Variants in USP6 observed in about 807,000 individuals in gnomAD.
USP6 encodes ubiquitin carboxyl-terminal hydrolase 6.
In USP6, 128 loss-of-function variants were observed where a neutral mutation model predicts 175.7. The observed-to-expected ratio is 0.73, with a 90% CI of 0.63 to 0.84. The LOEUF is 0.84. Ranked by LOEUF, USP6 falls within the 40% of genes least tolerant of loss-of-function variation. The probability of loss-of-function intolerance (pLI) is 0.00; values close to 1 mark genes in which losing one functional copy is unlikely to be tolerated. For synonymous variants in USP6, 562 were observed against 630.6 expected (o/e 0.89, Z 1.63); for missense variants, 1,498 against 1,760.3 (o/e 0.85, Z 2.67).
chr17:5,129,501 A>G (rs201910071), intron 8 of USP6: 1 of 152,514 alleles, frequency 6.6e-6, no homozygotes, highest in Non-Finnish European at 1.5e-5. Context: ...AGCCCTGGAG[A>G]GCTGGCTGAG....
intron 32 of USP6, 76 bp downstream of exon 32, chr17:5,161,690 A>G (rs1228338504): frequency 4.8e-5 from 73 of 1,509,334 alleles, no homozygotes; most frequent in Non-Finnish European, 2.5e-5. Context: ...AAGATTTCCA[A>G]TTTTGAGAAG....
At chr17:5,157,644 G>T (rs115986223) in intron 31 of USP6, among the ~76,000 whole-genome samples, 1 of 151,806 alleles carries the variant, frequency 6.6e-6, no homozygotes. Context: ...TCTGGTTGGC[G>T]GGGGGCGGGA....
In USP6 at chr17:5,116,435, T is replaced by G. The variant is rs1462817664; in HGVS notation, c.-2233T>G. The G allele has an allele frequency of 6.6e-6, 1 of 151,850 alleles. No individual in the cohort carries two copies. The highest frequency in any genetic ancestry group is 6.6e-5 in the Admixed American group (1 of 15,174). 9.4% of individuals were successfully genotyped at this position (151,850 alleles called of 1,614,324 possible). A position where few individuals can be genotyped will look rare whatever the true frequency, so the allele number is the denominator to read the frequency against. On this transcript the variant is annotated 5_prime_UTR_variant, in exon 1 of 38. It removes the in-frame stop codon of an upstream open reading frame in the 5' UTR. Coordinates refer to ENST00000574788, the MANE Select transcript of USP6 (RefSeq NM_001304284.2). ...AGAGGGGAAACACTTCTGGCCCATGTGAGCCGCCGTCTCGTGTGGTGTCTG... is the reference window on the plus strand; with the variant it reads ...AGAGGGGAAACACTTCTGGCCCATGGGAGCCGCCGTCTCGTGTGGTGTCTG...
chr17:5,136,843 C>G, intron 18 of USP6, 109 bp downstream of exon 18: 10 of 1,498,186 alleles, frequency 6.7e-6, no homozygotes, highest in Non-Finnish European at 8.3e-6. Flanking sequence ...GGAGTCCCAG[C>G]TAGGGCCTGA....
At chr17:5,159,232 G>A (rs1179443654) in intron 31 of USP6, among the ~76,000 whole-genome samples, 7 of 152,140 alleles carry the variant, frequency 4.6e-5, no homozygotes, top group Non-Finnish European at 8.8e-5. Context: ...TAAGTAGTAA[G>A]TAACCCAAAA....
In USP6 at chr17:5,174,236, T is replaced by G. The variant is rs190318500; in HGVS notation, c.*1258T>G. On this transcript the variant is annotated 3_prime_UTR_variant, in exon 38 of 38. Coordinates refer to ENST00000574788, the MANE Select transcript of USP6 (RefSeq NM_001304284.2). ...AAGTATAAATATTATTTATTTGAGG[T>G]AGAATTTTTTTCATGTAGTTTCTTA... The G allele has an allele frequency of 1.4e-4, 26 of 190,502 alleles. No individual in the cohort carries two copies. The East Asian group carries it at 2.1e-3, about 15-fold the overall frequency. The allele number at this position is 190,502 out of a possible 1,614,324, so 11.8% of individuals were successfully genotyped here. A position where few individuals can be genotyped will look rare whatever the true frequency, so the allele number is the denominator to read the frequency against.
At chr17:5,140,668 A>G (rs1301300619) in intron 22 of USP6, among the ~76,000 whole-genome samples, 1 of 152,214 alleles carries the variant, frequency 6.6e-6, no homozygotes, top group Non-Finnish European at 1.5e-5. Context: ...TAATTGTCCC[A>G]TTTTCGCCTA....
intron 1 of USP6, among the ~76,000 whole-genome samples, chr17:5,117,561 A>G (rs1221637542): frequency 1.3e-5 from 2 of 152,050 alleles, no homozygotes; most frequent in Non-Finnish European, 2.9e-5. Context: ...GCACAAGTGA[A>G]TAAATGGGGT....
At chr17:5,141,585 G>A (rs1208313633) in intron 23 of USP6, 86 bp downstream of exon 23, 3 of 1,265,912 alleles carry the variant, frequency 2.4e-6, no homozygotes, top group Non-Finnish European at 3.2e-6. Context: ...AACAACTTTT[G>A]GTTTTCTAGT....
chr17:5,136,070 C>A, intron 17 of USP6, 142 bp downstream of exon 17: 1 of 1,482,566 alleles, frequency 6.7e-7, no homozygotes, highest in Admixed American at 2.1e-5. Flanking sequence ...TGCTGAGGGT[C>A]CCACAGGAGT....
In USP6 at chr17:5,143,061, C is replaced by T. The variant is rs573620924; in HGVS notation, c.1818+559C>T. Among the ~76,000 whole-genome samples the T allele has an allele frequency of 2.0e-4, 31 of 152,290 alleles. No homozygotes were observed. In the East Asian group the frequency reaches 4.1e-3, roughly 20 times the overall value. ...ATTATCAGCCCCCCGCCCAGCCAGC[C>T]GCCCCATCCGGGAGGGAGGTCGGGG... is the stretch of plus-strand genomic sequence containing the variant. On this transcript the variant is annotated intron_variant, in intron 25 of 37. Coordinates refer to ENST00000574788, the MANE Select transcript of USP6 (RefSeq NM_001304284.2).
At chr17:5,133,811 G>A in intron 14 of USP6, 76 bp from the exon 15 acceptor site, 1 of 1,450,560 alleles carries the variant, frequency 6.9e-7, no homozygotes, top group South Asian at 1.1e-5. Flanking sequence ...TGCTGACTGT[G>A]GGCTGACTGC....
chr17:5,133,880 C>T lies in USP6; in HGVS notation c.385-7C>T, dbSNP rs765715297. The T allele has an allele frequency of 6.2e-7, 1 of 1,613,912 alleles. No homozygotes were observed. Among genetic ancestry groups the T allele is most frequent in the Admixed American group, 1.7e-5 (1 of 60,030 alleles). On this transcript the variant is annotated splice_polypyrimidine_tract_variant and splice_region_variant and intron_variant, in intron 14 of 37. Coordinates refer to ENST00000574788, the MANE Select transcript of USP6 (RefSeq NM_001304284.2). ...GGCTGCTTCCTCCTCTTGGCCCTGC[C>T]CTACAGATCATGAAGGAGAGGGGCA... is the stretch of plus-strand genomic sequence containing the variant.
intron 27 of USP6, 40 bp from the exon 28 acceptor site, chr17:5,145,983 A>G (rs2073596781): frequency 6.5e-7 from 1 of 1,540,378 alleles, no homozygotes; most frequent in East Asian, 2.3e-5. Flanking sequence ...TTTCAATGAA[A>G]CCTGCATTTT....
Position 5,151,429 on chromosome 17 carries a change from G to T in USP6, c.2643+2662G>T, listed in dbSNP as rs543889761. Among the ~76,000 whole-genome samples the T allele has an allele frequency of 3.1e-3, 342 of 111,372 alleles. 1 individual carries two copies. The highest frequency in any genetic ancestry group is 0.013 in the African/African-American group (329 of 24,678). The allele number at this position is 111,372 out of a possible 152,430, so 73.1% of individuals were successfully genotyped here. ...CAATCCCAATAAAAATGCAAAGTCT[G>T]CATGTGTGTGTGTGTGTGTGTGTGT... On this transcript the variant is annotated intron_variant, in intron 30 of 37. Transcript: ENST00000574788.
chr17:5,165,032 TA>T (rs1383020974), intron 33 of USP6, among the ~76,000 whole-genome samples: 2 of 152,244 alleles, frequency 1.3e-5, no homozygotes, highest in Non-Finnish European at 2.9e-5. Context: ...TGAAAATGAT[TA>T]CTAGGAGTTT....
intron 33 of USP6, among the ~76,000 whole-genome samples, chr17:5,166,841 A>G (rs2074106373): frequency 1.3e-5 from 2 of 151,484 alleles, no homozygotes; most frequent in South Asian, 4.2e-4. Flanking sequence ...ACCACCCCCA[A>G]CATACATCCC....
chr17:5,170,243 T>A (rs1477822294), intron 35 of USP6, among the ~76,000 whole-genome samples: 1 of 152,154 alleles, frequency 6.6e-6, no homozygotes, highest in Non-Finnish European at 1.5e-5. Flanking sequence ...GTTTTCTGAG[T>A]CCCTATAATG....
At chr17:5,117,497 C>T (rs564284419) in intron 1 of USP6, among the ~76,000 whole-genome samples, 6 of 139,282 alleles carry the variant, frequency 4.3e-5, no homozygotes, top group Admixed American at 2.3e-4. Flanking sequence ...GCCTGGGCGA[C>T]AGAGCGAGAC....
Sources: gnomAD v4.1 joint callset for allele counts (sites outside exome capture counted in the v4.1 genomes callset) on GRCh38, gnomAD v4.1.1 for gene constraint, MANE v1.5 for transcripts, NCBI Gene and HGNC (gene_info 2026-07-23, HGNC 2026-07-21) for gene names.